Variants in SPTSSB observed in about 807,000 individuals in gnomAD.
SPTSSB encodes serine palmitoyltransferase small subunit B, also known as androgen down regulated in mouse prostate.
SPTSSB carries 6 observed loss-of-function variants against 7.7 expected under a neutral mutation model. The ratio of observed to expected loss-of-function variants is 0.78; its 90% CI spans 0.43 to 1.54. The LOEUF (loss-of-function observed/expected upper bound fraction) is 1.54, where lower values mean the gene tolerates loss of function less well. SPTSSB is among the 40% of genes most tolerant of loss of function. The probability of loss-of-function intolerance (pLI) is 0.01; values close to 1 mark genes in which losing one functional copy is unlikely to be tolerated. For synonymous variants in SPTSSB, 28 were observed against 29.7 expected (o/e 0.94, Z 0.19); for missense variants, 91 against 93.0 (o/e 0.98, Z 0.09).
intron 1 of SPTSSB, among the ~76,000 whole-genome samples, chr3:161,369,314 C>CTTTCTTTCTTTCTTTCTTTCTT (rs1278233391): frequency 6.1e-4 from 40 of 65,690 alleles, no homozygotes; most frequent in South Asian, 1.3e-3. Flanking sequence ...TTCTTTCTTT[C>CTTTCTTTCTTTCTTTCTTTCTT]TCTTTCTTTC....
intron 2 of SPTSSB, among the ~76,000 whole-genome samples, chr3:161,355,933 A>G (rs1714750824): frequency 6.6e-6 from 1 of 152,232 alleles, no homozygotes; most frequent in Non-Finnish European, 1.5e-5. Context: ...TCTGAATAAT[A>G]TTTTTAAAAA....
chr3:161,355,179 T>C (rs1184505480), intron 2 of SPTSSB, among the ~76,000 whole-genome samples: 2 of 152,200 alleles, frequency 1.3e-5, no homozygotes, highest in Non-Finnish European at 2.9e-5. Flanking sequence ...TTTCTTAGTA[T>C]GAGCTTCTTT....
At chr3:161,369,303 TTTCTTTCTTTCTC>T (rs2108171031) in intron 1 of SPTSSB, among the ~76,000 whole-genome samples, 4 of 59,516 alleles carry the variant, frequency 6.7e-5, no homozygotes, top group African/African-American at 2.2e-4. Context: ...TCTTTCTTTC[TTTCTTTCTTTCTC>T]TTTCTTTCTT....
intron 1 of SPTSSB, among the ~76,000 whole-genome samples, chr3:161,366,154 A>G (rs553606237): frequency 6.6e-6 from 1 of 152,372 alleles, no homozygotes; most frequent in South Asian, 2.1e-4. Context: ...GTAAGAATCC[A>G]GGACAAAGCT....
At chr3:161,359,342 C>G (rs1714909643) in intron 2 of SPTSSB, 1 of 152,176 alleles carries the variant, frequency 6.6e-6, no homozygotes, top group Non-Finnish European at 1.5e-5. Context: ...GGGTAAGATG[C>G]TGCTCCATTT....
chr3:161,351,304 G>A (rs1425057584), intron 2 of SPTSSB, among the ~76,000 whole-genome samples: 1 of 152,124 alleles, frequency 6.6e-6, no homozygotes, highest in Non-Finnish European at 1.5e-5. Context: ...TCCCTGTATT[G>A]TCTTCTTGAT....
rs1469888038 is a variant in SPTSSB at position 161,345,282 on chromosome 3, C to G, written c.*811G>C. ...CGGTGGCCCAATACATGCTTTTTTC[C>G]CTCTACACTGAATGAAAGTACAAAA... On this transcript the variant is annotated 3_prime_UTR_variant, in exon 3 of 3. Transcript: ENST00000620149. The G allele has an allele frequency of 1.3e-5, 2 of 152,434 alleles. No individual in the cohort carries two copies. Among genetic ancestry groups the G allele is most frequent in the Non-Finnish European group, 2.9e-5 (2 of 67,988 alleles). 9.4% of individuals were successfully genotyped at this position (152,434 alleles called of 1,614,324 possible). A position where few individuals can be genotyped will look rare whatever the true frequency, so the allele number is the denominator to read the frequency against.
intron 2 of SPTSSB, among the ~76,000 whole-genome samples, chr3:161,355,467 A>C (rs140785423): frequency 0.017 from 2,657 of 152,312 alleles, 51 homozygotes; most frequent in Non-Finnish European, 0.021. Context: ...CCATGGACAA[A>C]TGGATGGAAA....
chr3:161,364,693 AT>A (rs143465543), intron 1 of SPTSSB, among the ~76,000 whole-genome samples: 20 of 151,196 alleles, frequency 1.3e-4, no homozygotes, highest in African/African-American at 4.4e-4. Flanking sequence ...TATTTATTTA[AT>A]TTTTTTTGCT....
intron 1 of SPTSSB, among the ~76,000 whole-genome samples, chr3:161,363,029 T>C (rs548230592): frequency 3.9e-5 from 6 of 151,934 alleles, no homozygotes; most frequent in Non-Finnish European, 8.8e-5. Flanking sequence ...AATTTATCAT[T>C]TTAAAATAAG....
At chr3:161,356,068 G>A (rs896080) in intron 2 of SPTSSB, among the ~76,000 whole-genome samples, 6,995 of 152,190 alleles carry the variant, frequency 0.046, 235 homozygotes, top group African/African-American at 0.086. Flanking sequence ...TAATAATTGT[G>A]AGGTCCCAAT....
Position 161,345,688 on chromosome 3 carries a change from C to A in SPTSSB, c.*405G>T. On this transcript the variant is annotated 3_prime_UTR_variant, in exon 3 of 3. Coordinates refer to ENST00000620149, the MANE Select transcript of SPTSSB (RefSeq NM_001040100.2). The stretch of plus-strand genomic sequence containing the variant: ...AGGATAGGATACTTCTGACAGTAGC[C>A]TATAAAGATTTTTTAAAATTTATCC... The A allele has an allele frequency of 6.4e-6, 1 of 156,398 alleles. No individual in the cohort carries two copies. Among genetic ancestry groups the A allele is most frequent in the Non-Finnish European group, 1.4e-5 (1 of 70,494 alleles). 9.7% of individuals were successfully genotyped at this position (156,398 alleles called of 1,614,324 possible).
At chr3:161,367,242 A>C (rs986848135) in intron 1 of SPTSSB, among the ~76,000 whole-genome samples, 1 of 152,236 alleles carries the variant, frequency 6.6e-6, no homozygotes, top group Non-Finnish European at 1.5e-5. Context: ...ATTTTATATA[A>C]ATCTTTTAAT....
intron 2 of SPTSSB, among the ~76,000 whole-genome samples, chr3:161,350,994 A>T (rs938695910): frequency 6.6e-6 from 1 of 152,158 alleles, no homozygotes; most frequent in African/African-American, 2.4e-5. Context: ...TTAGAGGGGC[A>T]TTCTACAAGA....
chr3:161,345,890 T>C lies in SPTSSB; in HGVS notation c.*203A>G, dbSNP rs1416201316. ...GGTAAAGTCACTGTATTATCTCCGG[T>C]CTAAAGCACAATGTAGCATGTGCAA... is the stretch of plus-strand genomic sequence containing the variant. On this transcript the variant is annotated 3_prime_UTR_variant, in exon 3 of 3. Transcript: ENST00000620149. 4.3e-6 allele frequency: 2 copies of C among 467,170 alleles called. No individual in the cohort carries two copies. Among genetic ancestry groups the C allele is most frequent in the East Asian group, 3.6e-5 (1 of 28,054 alleles). 28.9% of individuals were successfully genotyped at this position (467,170 alleles called of 1,614,324 possible).
At chr3:161,354,101 G>T (rs929836318) in intron 2 of SPTSSB, among the ~76,000 whole-genome samples, 1 of 152,156 alleles carries the variant, frequency 6.6e-6, no homozygotes, top group Non-Finnish European at 1.5e-5. Context: ...TCATTAGTTG[G>T]ATAATTTTAT....
chr3:161,370,294 A>G (rs920609961), intron 1 of SPTSSB, among the ~76,000 whole-genome samples: 1 of 152,204 alleles, frequency 6.6e-6, no homozygotes, highest in Admixed American at 6.5e-5. Context: ...TAGAATGACC[A>G]TGCTTTGTTT....
intron 1 of SPTSSB, among the ~76,000 whole-genome samples, chr3:161,360,903 T>C (rs1714983834): frequency 6.6e-6 from 1 of 152,198 alleles, no homozygotes; most frequent in African/African-American, 2.4e-5. Context: ...TTTTGTGATA[T>C]GACTGCCAAA....
At chr3:161,354,660 T>C (rs1426205503) in intron 2 of SPTSSB, among the ~76,000 whole-genome samples, 2 of 152,238 alleles carry the variant, frequency 1.3e-5, no homozygotes, top group African/African-American at 4.8e-5. Context: ...CCAATTTTAT[T>C]ACCTTCCATT....
Sources: gnomAD v4.1 joint callset for allele counts (sites outside exome capture counted in the v4.1 genomes callset) on GRCh38, gnomAD v4.1.1 for gene constraint, MANE v1.5 for transcripts, NCBI Gene and HGNC (gene_info 2026-07-23, HGNC 2026-07-21) for gene names.